The following CPD variants were observed in gnomAD, a reference collection of about 807,000 sequenced individuals.
The protein encoded by CPD is carboxypeptidase D, also known as metallocarboxypeptidase D.
CPD carries 69 observed loss-of-function variants against 138.3 expected under a neutral mutation model. The ratio of observed to expected loss-of-function variants is 0.50; its 90% CI spans 0.41 to 0.61. CPD has a LOEUF of 0.61. Ranked by LOEUF, CPD falls within the 20% of genes least tolerant of loss-of-function variation. The pLI is 0.00. For synonymous variants in CPD, 651 were observed against 642.1 expected (o/e 1.01, Z -0.21); for missense variants, 1,432 against 1,733.3 (o/e 0.83, Z 3.09).
intron 6 of CPD, among the ~76,000 whole-genome samples, chr17:30,424,009 A>G (rs1009313176): frequency 6.6e-6 from 1 of 152,156 alleles, no homozygotes; most frequent in Non-Finnish European, 1.5e-5. Context: ...ACTCTGTAAA[A>G]TATTTGAAGA....
In CPD at chr17:30,379,273, G is replaced by T; in HGVS notation, c.293G>T (p.Arg98Leu). Residue 98 changes from arginine to leucine, a missense_variant, in exon 1 of 21, where the codon CGC becomes CTC. By Grantham distance (102) the Arg-to-Leu change is moderately radical (BLOSUM62 -2). Transcript: ENST00000225719. This position sits in a 1 kb window ranked among gnomAD's most constrained non-coding sequence, Gnocchi z 7.0. ...SVEGRPLWVL[R>L]LTAGLGSLIP... is the part of the protein sequence containing the mutation. Reference sequence around the variant, plus strand: ...GAAGGCCGGCCGCTGTGGGTGCTTCGCCTCACCGCCGGCCTGGGGTCGCTA... The same window carrying T: ...GAAGGCCGGCCGCTGTGGGTGCTTCTCCTCACCGCCGGCCTGGGGTCGCTA... 1 of 1,511,716 alleles carries T rather than the reference G, an allele frequency of 6.6e-7. No homozygotes were observed. Among genetic ancestry groups the T allele is most frequent in the Non-Finnish European group, 8.8e-7 (1 of 1,136,582 alleles). 93.6% of individuals were successfully genotyped at this position (1,511,716 alleles called of 1,614,324 possible). A position where few individuals can be genotyped will look rare whatever the true frequency, so the allele number is the denominator to read the frequency against.
In CPD at chr17:30,379,334, G is replaced by T. The variant is rs967386591; in HGVS notation, c.354G>T (p.Gly118=). The part of the protein sequence containing the change: ...PEGDAGPDAA[G]PDAAGPLLPG... ...GCGACGCGGGGCCTGACGCTGCCGG[G>T]CCCGACGCTGCGGGGCCGCTGCTGC... Residue 118 remains glycine (G), a synonymous_variant, in exon 1 of 21, where the codon GGG becomes GGT. Transcript: ENST00000225719. This position sits in a 1 kb window ranked among gnomAD's most constrained non-coding sequence, Gnocchi z 7.0. 3.4e-6 allele frequency: 5 copies of T among 1,489,858 alleles called. No homozygotes were observed. The African/African-American group carries it at 7.3e-5, about 22-fold the overall frequency. 92.3% of individuals were successfully genotyped at this position (1,489,858 alleles called of 1,614,324 possible). A position where few individuals can be genotyped will look rare whatever the true frequency, so the allele number is the denominator to read the frequency against.
At chr17:30,442,559 A>C in intron 10 of CPD, 109 bp downstream of exon 10, 1 of 1,043,888 alleles carries the variant, frequency 9.6e-7, no homozygotes, top group Non-Finnish European at 1.4e-6. Context: ...TAAAATTTCA[A>C]TTCATTTTAG....
chr17:30,468,795 A>G lies in CPD; in HGVS notation c.*3981A>G, dbSNP rs986630683. ...TTTTTCTGCCTATGCTAGTGGAAAA[A>G]TAGTACCAGGATCAGAATACAGGGT... On this transcript the variant is annotated 3_prime_UTR_variant, in exon 21 of 21. Transcript: ENST00000225719. The G allele has an allele frequency of 2.3e-4, 35 of 152,344 alleles. No homozygotes were observed. The highest frequency in any genetic ancestry group is 7.9e-4 in the African/African-American group (33 of 41,570). 9.4% of individuals were successfully genotyped at this position (152,344 alleles called of 1,614,324 possible).
chr17:30,389,446 ATATT>A (rs1225797837), intron 2 of CPD, among the ~76,000 whole-genome samples: 1 of 152,252 alleles, frequency 6.6e-6, no homozygotes, highest in Admixed American at 6.5e-5. Flanking sequence ...CTTGGGAAAT[ATATT>A]TAATAAAACC....
chr17:30,455,956 T>C (rs112785233), intron 15 of CPD: 2 of 339,760 alleles, frequency 5.9e-6, no homozygotes, highest in Non-Finnish European at 5.4e-6. Flanking sequence ...TTACAAAGAA[T>C]ATTGTTATTA....
rs747199704 is a variant in CPD at position 30,422,698 on chromosome 17, T to C, written c.1332T>C (p.Asn444=). Residue 444 remains asparagine, a synonymous_variant, in exon 5 of 21, where the codon AAT becomes AAC. Transcript: ENST00000225719. ...GGTATATGCCATTGACTGTTACTAA[T>C]GTAGTGGTGAAAGAAGGACCAGCCA... is the stretch of plus-strand genomic sequence containing the variant. ...LTGYMPLTVT[N]VVVKEGPATE... The C allele has an allele frequency of 1.7e-5, 28 of 1,612,832 alleles. No individual in the cohort carries two copies. The highest frequency in any genetic ancestry group is 2.0e-5 in the Non-Finnish European group (24 of 1,179,410).
At chr17:30,427,121 G>A (rs1235317453) in intron 6 of CPD, among the ~76,000 whole-genome samples, 3 of 151,536 alleles carry the variant, frequency 2.0e-5, no homozygotes, top group Non-Finnish European at 4.4e-5. Flanking sequence ...GATGGTGGTT[G>A]CAGTGAGCTG....
At position 30,456,464 on chromosome 17, in the gene CPD, G is replaced by C. The variant is rs1487308675; in HGVS notation, c.3436G>C (p.Glu1146Gln). 2.0e-5 allele frequency: 33 copies of C among 1,614,034 alleles called. No homozygotes were observed. The highest frequency in any genetic ancestry group is 2.5e-5 in the Non-Finnish European group (30 of 1,180,016). The change falls in exon 17 of 21, where the codon GAG becomes CAG. Residue 1146 changes from glutamate to glutamine, a missense_variant and splice_region_variant. Transcript: ENST00000225719. The stretch of plus-strand genomic sequence containing the variant: ...CACATCTCTTAATGCTTTTATAGAT[G>C]AGAATATTCCAGGAGGAGTAATGCG... Reference protein sequence around the residue: ...GQPSCPNKSDENIPGGVMRGA... With the variant: ...GQPSCPNKSDQNIPGGVMRGA...
intron 2 of CPD, among the ~76,000 whole-genome samples, chr17:30,401,492 T>C (rs931234280): frequency 9.9e-5 from 15 of 151,740 alleles, no homozygotes; most frequent in South Asian, 4.2e-4. Flanking sequence ...CTTCCTGTTA[T>C]TATTATTGTG....
At chr17:30,406,025 G>A (rs954620785) in intron 2 of CPD, among the ~76,000 whole-genome samples, 1 of 151,726 alleles carries the variant, frequency 6.6e-6, no homozygotes, top group Non-Finnish European at 1.5e-5. Context: ...TTGTGATTTC[G>A]TTGCTGGAAA....
intron 2 of CPD, among the ~76,000 whole-genome samples, chr17:30,413,166 C>T (rs1252413501): frequency 6.6e-6 from 1 of 151,922 alleles, no homozygotes; most frequent in Non-Finnish European, 1.5e-5. Flanking sequence ...TGTATTGTGA[C>T]CAATGTAGTA....
chr17:30,406,361 T>C (rs1911801169), intron 2 of CPD, among the ~76,000 whole-genome samples: 1 of 152,172 alleles, frequency 6.6e-6, no homozygotes, highest in Non-Finnish European at 1.5e-5. Context: ...ATTTATATTA[T>C]ATGCTCTGTC....
Position 30,385,043 on chromosome 17 carries a change from T to C in CPD, c.801T>C (p.Phe267=). Residue 267 remains phenylalanine (F), a synonymous_variant, in exon 2 of 21, where the codon TTT becomes TTC. Transcript: ENST00000225719. Reference sequence around the variant, plus strand: ...GCTCAGTGGTAGCAAGCTATCCTTTTGATGATTCTCCAGAACATAAGGCCA... The same window carrying C: ...GCTCAGTGGTAGCAAGCTATCCTTTCGATGATTCTCCAGAACATAAGGCCA... The part of the protein sequence containing the change: ...HGGSVVASYP[F]DDSPEHKATG... The C allele has an allele frequency of 1.2e-6, 2 of 1,614,130 alleles. No homozygotes were observed. Among genetic ancestry groups the C allele is most frequent in the Non-Finnish European group, 1.7e-6 (2 of 1,179,972 alleles).
intron 2 of CPD, among the ~76,000 whole-genome samples, chr17:30,385,612 T>C (rs1364589658): frequency 6.6e-6 from 1 of 152,098 alleles, no homozygotes; most frequent in Non-Finnish European, 1.5e-5. Context: ...CCTCAGCATG[T>C]ATTTCCCAAG....
intron 1 of CPD, among the ~76,000 whole-genome samples, chr17:30,381,028 T>C (rs1420347671): frequency 6.6e-6 from 1 of 152,234 alleles, no homozygotes; most frequent in African/African-American, 2.4e-5. Context: ...ATATAGAAGA[T>C]CTAGAAAATT....
At chr17:30,451,642 G>A in intron 13 of CPD, 69 bp from the exon 14 acceptor site, 2 of 1,392,896 alleles carry the variant, frequency 1.4e-6, no homozygotes, top group Non-Finnish European at 2.0e-6. Flanking sequence ...CTTTCTGTTT[G>A]AGGCATGAGA....
chr17:30,442,982 G>A (rs1912918265), intron 10 of CPD, among the ~76,000 whole-genome samples: 1 of 150,302 alleles, frequency 6.7e-6, no homozygotes, highest in Non-Finnish European at 1.5e-5. Context: ...TCTTTTTCCT[G>A]AGTGGTGTGA....
chr17:30,455,190 T>A, intron 14 of CPD, 149 bp from the exon 15 acceptor site: 1 of 661,944 alleles, frequency 1.5e-6, no homozygotes, highest in Admixed American at 2.9e-5. Context: ...TCTTTCTTGC[T>A]TGAGATAGTG....
Sources: allele counts gnomAD v4.1 joint callset (sites outside exome capture counted in the v4.1 genomes callset), GRCh38; gene constraint gnomAD v4.1.1; non-coding constraint Gnocchi (gnomAD v3.1); transcripts MANE v1.5; gene names NCBI Gene and HGNC (gene_info 2026-07-23, HGNC 2026-07-21).